Variants in ASAP1 observed in about 807,000 individuals in gnomAD.
The protein encoded by ASAP1 is ArfGAP with SH3 domain, ankyrin repeat and PH domain 1, also known as arf-GAP with SH3 domain, ANK repeat and PH domain-containing protein 1.
Under a neutral mutation model 145.2 loss-of-function variants are expected in ASAP1, and 43 were observed. The ratio of observed to expected loss-of-function variants is 0.30; its 90% CI spans 0.23 to 0.38. The LOEUF (loss-of-function observed/expected upper bound fraction) is 0.38, where lower values mean the gene tolerates loss of function less well. ASAP1 is among the 10% of genes least tolerant of loss of function. ASAP1 has a pLI of 1.00. For missense variants in ASAP1, 1,018 were observed against 1,355.3 expected (o/e 0.75, Z 3.91); for synonymous variants, 546 against 515.5 (o/e 1.06, Z -0.80).
chr8:130,331,683 G>C (rs951305649), intron 3 of ASAP1, among the ~76,000 whole-genome samples: 1 of 152,132 alleles, frequency 6.6e-6, no homozygotes, highest in African/African-American at 2.4e-5. Flanking sequence ...CTGTTACCTA[G>C]TCAAGAGGTG....
rs114213715 is a variant in ASAP1, at chr8:130,379,916, G to A, written c.60-21773C>T. ...CACGCCCTGAGCCTGGCACACTCAT[G>A]TCACTGCTCCTTGTCCTCAGGCTCA... On this transcript the variant is annotated intron_variant, in intron 2 of 29. Transcript: ENST00000518721. Among the ~76,000 whole-genome samples, 507 of 152,302 alleles carry A rather than the reference G, an allele frequency of 3.3e-3. 4 individuals are homozygous for A. The highest frequency in any genetic ancestry group is 8.9e-3 in the African/African-American group (370 of 41,574).
intron 28 of ASAP1, 34 bp downstream of exon 28, chr8:130,060,545 G>A (rs774348938): frequency 4.5e-6 from 7 of 1,561,464 alleles, no homozygotes; most frequent in Non-Finnish European, 6.1e-6. Context: ...GTGCGGAATA[G>A]GGTTCCTAAG....
chr8:130,206,067 T>C (rs1285061949), intron 5 of ASAP1, among the ~76,000 whole-genome samples: 3 of 152,126 alleles, frequency 2.0e-5, no homozygotes, highest in African/African-American at 7.2e-5. Flanking sequence ...TGTATGATTT[T>C]TTAAATAGAA....
At chr8:130,061,150 T>A in intron 27 of ASAP1, 81 bp from the exon 28 acceptor site, 1 of 1,497,096 alleles carries the variant, frequency 6.7e-7, no homozygotes, top group Non-Finnish European at 8.9e-7. Flanking sequence ...GGCACCATCA[T>A]CATGAAGGGA....
chr8:130,369,898 T>A (rs1169403600), intron 2 of ASAP1, among the ~76,000 whole-genome samples: 2 of 152,212 alleles, frequency 1.3e-5, no homozygotes, highest in Non-Finnish European at 2.9e-5. Context: ...CCCACCCAAA[T>A]TCACATGTTG....
intron 1 of ASAP1, among the ~76,000 whole-genome samples, chr8:130,443,244 C>T (rs1478099937): frequency 6.6e-6 from 1 of 151,952 alleles, no homozygotes; most frequent in East Asian, 1.9e-4. Flanking sequence ...CCTCGCCCGG[C>T]CCCGCAGAGC....
intron 3 of ASAP1, among the ~76,000 whole-genome samples, chr8:130,312,272 G>A (rs1823402359): frequency 6.9e-6 from 1 of 145,830 alleles, no homozygotes. Context: ...GTAGGACCCT[G>A]TCTTTAAAAA....
chr8:130,187,351 A>C (rs1207378051), intron 6 of ASAP1, 66 bp from the exon 7 acceptor site: 1 of 1,302,324 alleles, frequency 7.7e-7, no homozygotes, highest in Non-Finnish European at 1.1e-6. Flanking sequence ...AATAGTTTTG[A>C]AATGACATCT....
At chr8:130,382,106 G>A (rs1185637576) in intron 2 of ASAP1, among the ~76,000 whole-genome samples, 2 of 152,000 alleles carry the variant, frequency 1.3e-5, no homozygotes, top group East Asian at 3.9e-4. Context: ...CTAACACGGT[G>A]AAACCCCGTC....
chr8:130,117,842 G>C (rs1283210680), intron 20 of ASAP1, among the ~76,000 whole-genome samples: 2 of 152,172 alleles, frequency 1.3e-5, no homozygotes, highest in Non-Finnish European at 2.9e-5. Flanking sequence ...CATTTATAAA[G>C]GCCAAGAGAT....
rs1164745986 is a variant in ASAP1, at chr8:130,358,541, C to T, written c.60-398G>A. Among the ~76,000 whole-genome samples the T allele has an allele frequency of 1.4e-5, 2 of 147,440 alleles. No homozygotes were observed. Among genetic ancestry groups the T allele is most frequent in the African/African-American group, 4.9e-5 (2 of 40,822 alleles). On this transcript the variant is annotated intron_variant, in intron 2 of 29. Transcript: ENST00000518721. This position sits in a 1 kb window ranked among gnomAD's most constrained non-coding sequence, Gnocchi z 4.1. ...GTGCGCGGGCTGGGCGGCTGGGGCGCCCGGCGCTGCCTCCTCAGACGCGCT... is the reference window on the plus strand; with the variant it reads ...GTGCGCGGGCTGGGCGGCTGGGGCGTCCGGCGCTGCCTCCTCAGACGCGCT...
chr8:130,421,949 A>T (rs1829735922), intron 1 of ASAP1, among the ~76,000 whole-genome samples: 1 of 152,210 alleles, frequency 6.6e-6, no homozygotes, highest in South Asian at 2.1e-4. Flanking sequence ...ATAATATAAG[A>T]ATATCTGCTC....
intron 13 of ASAP1, among the ~76,000 whole-genome samples, chr8:130,151,614 G>A (rs975406271): frequency 6.6e-6 from 1 of 152,126 alleles, no homozygotes; most frequent in Admixed American, 6.6e-5. Flanking sequence ...GTGCTGCGAG[G>A]GGCAAGGGAC....
intron 1 of ASAP1, among the ~76,000 whole-genome samples, chr8:130,411,109 A>G (rs1418275730): frequency 4.6e-5 from 7 of 152,056 alleles, no homozygotes; most frequent in African/African-American, 1.7e-4. Context: ...TGATCCACCC[A>G]CCTTGGGCCC....
chr8:130,185,865 C>T (rs937171901), intron 7 of ASAP1, among the ~76,000 whole-genome samples: 2 of 151,686 alleles, frequency 1.3e-5, no homozygotes, highest in Non-Finnish European at 2.9e-5. Context: ...ATTTATAATA[C>T]TAAGCACCAG....
chr8:130,113,696 G>A (rs1354412305), intron 23 of ASAP1, among the ~76,000 whole-genome samples: 2 of 152,084 alleles, frequency 1.3e-5, no homozygotes, highest in African/African-American at 2.4e-5. Flanking sequence ...TACTAGCTGG[G>A]AGACTTTAGA....
chr8:130,210,460 G>A (rs1816509370), intron 5 of ASAP1, among the ~76,000 whole-genome samples: 1 of 152,150 alleles, frequency 6.6e-6, no homozygotes, highest in Non-Finnish European at 1.5e-5. Context: ...TCATTTTTAA[G>A]ACTGAGGTCC....
chr8:130,419,212 C>T (rs1185690705), intron 1 of ASAP1, among the ~76,000 whole-genome samples: 4 of 152,196 alleles, frequency 2.6e-5, no homozygotes, highest in Non-Finnish European at 5.9e-5. Flanking sequence ...TGCCCAGCAT[C>T]GCTCCTCATT....
At chr8:130,228,502 A>C (rs1160053822) in intron 4 of ASAP1, among the ~76,000 whole-genome samples, 4 of 152,078 alleles carry the variant, frequency 2.6e-5, no homozygotes, top group Non-Finnish European at 5.9e-5. Flanking sequence ...GGCGGTCAAG[A>C]CCAGCCTGGG....
Sources: allele counts gnomAD v4.1 joint callset (sites outside exome capture counted in the v4.1 genomes callset), GRCh38; gene constraint gnomAD v4.1.1; non-coding constraint Gnocchi (gnomAD v3.1); transcripts MANE v1.5; gene names NCBI Gene and HGNC (gene_info 2026-07-23, HGNC 2026-07-21).